The following CADM2 variants were observed in gnomAD, a reference collection of about 807,000 sequenced individuals.
CADM2 encodes immunoglobulin superfamily member 4D.
A neutral mutation model predicts 49.8 loss-of-function variants in CADM2; 12 were observed. The observed-to-expected ratio is 0.24, with a 90% confidence interval of 0.15 to 0.39. The LOEUF (loss-of-function observed/expected upper bound fraction) is 0.39. Ranked by LOEUF, CADM2 falls within the 10% of genes least tolerant of loss-of-function variation. The pLI, the probability that CADM2 is intolerant of heterozygous loss-of-function variation, is 1.00. For missense variants in CADM2, 378 were observed against 492.3 expected (o/e 0.77, Z 2.20); for synonymous variants, 214 against 175.4 (o/e 1.22, Z -1.74).
At position 86,068,880 on chromosome 3, in the gene CADM2, T is replaced by G. The variant is rs1470412419; in HGVS notation, c.*2097T>G. 2.0e-5 allele frequency: 3 copies of G among 152,384 alleles called. No individual in the cohort carries two copies. The highest frequency in any genetic ancestry group is 7.2e-5 in the African/African-American group (3 of 41,430). The allele number at this position is 152,384 out of a possible 1,614,324, so 9.4% of individuals were successfully genotyped here. A position where few individuals can be genotyped will look rare whatever the true frequency, so the allele number is the denominator to read the frequency against. On this transcript the variant is annotated 3_prime_UTR_variant, in exon 10 of 10. Coordinates refer to ENST00000383699, the MANE Select transcript of CADM2 (RefSeq NM_001167675.2). ...TCTGTGGAAAAATGCAATAATATGT[T>G]AATATAGTATGGTAGTTTGAGAGAA...
chr3:85,118,275 AATATC>A (rs984719835), intron 1 of CADM2, among the ~76,000 whole-genome samples: 1 of 123,148 alleles, frequency 8.1e-6, no homozygotes, highest in African/African-American at 2.5e-5. Flanking sequence ...GATATATTAA[AATATC>A]ATGTTATTTT....
intron 1 of CADM2, among the ~76,000 whole-genome samples, chr3:85,433,390 A>G (rs2107526781): frequency 6.6e-6 from 1 of 152,156 alleles, no homozygotes; most frequent in South Asian, 2.1e-4. Flanking sequence ...CCTGTTTCAA[A>G]TAGGCTGCTA....
At chr3:85,154,331 G>A (rs1376676384) in intron 1 of CADM2, among the ~76,000 whole-genome samples, 1 of 152,150 alleles carries the variant, frequency 6.6e-6, no homozygotes, top group African/African-American at 2.4e-5. Context: ...CTGGAAGAAA[G>A]GGTATCAGCG....
chr3:85,897,696 T>C (rs1715443185), intron 5 of CADM2, among the ~76,000 whole-genome samples: 1 of 152,340 alleles, frequency 6.6e-6, no homozygotes, highest in South Asian at 2.1e-4. Context: ...TGGTAGATTA[T>C]ATTTTTATTT....
intron 1 of CADM2, among the ~76,000 whole-genome samples, chr3:85,409,995 T>C (rs963352525): frequency 1.3e-5 from 2 of 152,178 alleles, no homozygotes; most frequent in Admixed American, 6.5e-5. Flanking sequence ...GAGTATTCTC[T>C]ATAGTTATAC....
chr3:85,706,771 T>G (rs565804411), intron 1 of CADM2, among the ~76,000 whole-genome samples: 2 of 152,250 alleles, frequency 1.3e-5, no homozygotes, highest in East Asian at 3.9e-4. Flanking sequence ...CATTGCTTAT[T>G]TCTTGTTTTT....
At chr3:84,973,014 A>G (rs895938680) in intron 1 of CADM2, among the ~76,000 whole-genome samples, 1 of 152,160 alleles carries the variant, frequency 6.6e-6, no homozygotes, top group African/African-American at 2.4e-5. Flanking sequence ...TCCCAGGTTC[A>G]AGCAATTCCA....
intron 3 of CADM2, among the ~76,000 whole-genome samples, chr3:85,837,525 CTT>C (rs948725008): frequency 6.6e-6 from 1 of 151,622 alleles, no homozygotes; most frequent in African/African-American, 2.4e-5. Context: ...AGGAAAGACA[CTT>C]TGTACAAAGT....
At chr3:85,721,383 CT>C (rs1476920950) in intron 1 of CADM2, among the ~76,000 whole-genome samples, 1 of 152,132 alleles carries the variant, frequency 6.6e-6, no homozygotes. Context: ...CTGGTGGCAC[CT>C]TTCCTGTGTT....
chr3:85,676,454 C>T (rs541511036), intron 1 of CADM2, among the ~76,000 whole-genome samples: 3 of 152,242 alleles, frequency 2.0e-5, no homozygotes, highest in Non-Finnish European at 4.4e-5. Flanking sequence ...AATTTGAATG[C>T]TGTCCTTTTT....
At chr3:85,840,053 A>C (rs1034867831) in intron 3 of CADM2, among the ~76,000 whole-genome samples, 3 of 151,752 alleles carry the variant, frequency 2.0e-5, no homozygotes, top group African/African-American at 7.3e-5. Context: ...ACTCTCCTTC[A>C]GCTTTTTTCT....
chr3:85,765,100 GAT>G (rs1047718294), intron 2 of CADM2, among the ~76,000 whole-genome samples: 2 of 152,026 alleles, frequency 1.3e-5, no homozygotes, highest in Admixed American at 1.3e-4. Flanking sequence ...TTGGTTGTTT[GAT>G]ATGTGTCCAG....
chr3:86,021,933 C>T (rs1221041448), intron 8 of CADM2, among the ~76,000 whole-genome samples: 1 of 151,992 alleles, frequency 6.6e-6, no homozygotes, highest in Non-Finnish European at 1.5e-5. Context: ...AGGCAATATA[C>T]CTGTAATGTA....
intron 3 of CADM2, among the ~76,000 whole-genome samples, chr3:85,870,967 C>T (rs961136672): frequency 6.6e-6 from 1 of 152,114 alleles, no homozygotes; most frequent in Non-Finnish European, 1.5e-5. Context: ...CAATAATATT[C>T]CAGACATAGG....
chr3:85,701,250 C>A (rs2066743252), intron 1 of CADM2, among the ~76,000 whole-genome samples: 1 of 152,116 alleles, frequency 6.6e-6, no homozygotes. Flanking sequence ...TGGTGCTAAA[C>A]CATTAGAAAC....
At chr3:85,900,135 A>T (rs1715912011) in intron 5 of CADM2, among the ~76,000 whole-genome samples, 1 of 152,122 alleles carries the variant, frequency 6.6e-6, no homozygotes, top group Admixed American at 6.6e-5. Context: ...TTCCATCTCT[A>T]AGAGATCATT....
intron 1 of CADM2, among the ~76,000 whole-genome samples, chr3:85,199,333 TTGTGTG>T (rs35067183): frequency 3.7e-5 from 5 of 134,422 alleles, no homozygotes; most frequent in Non-Finnish European, 6.3e-5. Context: ...GTAACTCTCT[TTGTGTG>T]TGTGTGTGTG....
chr3:85,297,858 C>G (rs1056035989), intron 1 of CADM2, among the ~76,000 whole-genome samples: 3 of 151,970 alleles, frequency 2.0e-5, no homozygotes, highest in African/African-American at 4.8e-5. Flanking sequence ...AGGAATTTGT[C>G]CTGAACACTC....
chr3:85,620,553 G>A (rs1205457904), intron 1 of CADM2, among the ~76,000 whole-genome samples: 1 of 151,896 alleles, frequency 6.6e-6, no homozygotes, highest in Admixed American at 6.6e-5. Flanking sequence ...ATTATAAAAT[G>A]GAAATTGTAA....
Sources: gnomAD v4.1 joint callset for allele counts (sites outside exome capture counted in the v4.1 genomes callset) on GRCh38, gnomAD v4.1.1 for gene constraint, MANE v1.5 for transcripts, NCBI Gene and HGNC (gene_info 2026-07-23, HGNC 2026-07-21) for gene names.